Variants in SCRN3 observed in about 807,000 individuals in gnomAD.
SCRN3 encodes secernin-3.
SCRN3 carries 39 observed loss-of-function variants against 43.1 expected under a neutral mutation model. The ratio of observed to expected loss-of-function variants is 0.91; its 90% CI spans 0.70 to 1.18. The LOEUF (loss-of-function observed/expected upper bound fraction) is 1.18, where lower values mean the gene tolerates loss of function less well. Ranked by LOEUF, SCRN3 falls within the 50% of genes most tolerant of loss-of-function variation. The pLI is 0.00. For synonymous variants in SCRN3, 147 were observed against 163.1 expected (o/e 0.90, Z 0.75); for missense variants, 484 against 498.0 (o/e 0.97, Z 0.27).
chr2:174,401,016 C>T lies in SCRN3; in HGVS notation c.368C>T (p.Ala123Val). ...VRLGLERADT[A>V]EKALNVIVDL... is the part of the protein sequence containing the mutation. ...CTTGGCCTTGAAAGAGCTGATACAG[C>T]TGAAAAAGCCCTCAATGTCATTGTT... Residue 123 changes from alanine to valine, a missense_variant, in exon 4 of 8, where the codon GCT (alanine) becomes GTT (valine). Physicochemically the swap from Ala to Val is moderately conservative, Grantham distance 64 (BLOSUM62 0). Transcript: ENST00000272732. 1 of 1,613,082 alleles carries T rather than the reference C, an allele frequency of 6.2e-7. No individual in the cohort carries two copies.
chr2:174,414,599 A>G (rs1000536436), intron 5 of SCRN3, among the ~76,000 whole-genome samples: 1 of 152,012 alleles, frequency 6.6e-6, no homozygotes, highest in Non-Finnish European at 1.5e-5. Flanking sequence ...TTATTCCCTT[A>G]TGGTAGTATT....
intron 4 of SCRN3, among the ~76,000 whole-genome samples, chr2:174,401,962 A>G (rs1685522181): frequency 6.6e-6 from 1 of 152,348 alleles, no homozygotes; most frequent in East Asian, 1.9e-4. Flanking sequence ...TGATTTGAAC[A>G]TTTAGAGAAC....
At chr2:174,400,717 C>T (rs1314911976) in intron 3 of SCRN3, among the ~76,000 whole-genome samples, 2 of 152,148 alleles carry the variant, frequency 1.3e-5, no homozygotes, top group Admixed American at 6.5e-5. Flanking sequence ...CTATCGTGCT[C>T]ATTTTACAAA....
rs542517670 is a variant in SCRN3, at chr2:174,397,434, G to A, written c.-9-841G>A. 34 of 837,110 alleles carry A rather than the reference G, an allele frequency of 4.1e-5. No individual in the cohort carries two copies. In the East Asian group the frequency reaches 2.5e-3, roughly 61 times the overall value. The allele number at this position is 837,110 out of a possible 1,614,324, so 51.9% of individuals were successfully genotyped here. On this transcript the variant is annotated intron_variant, in intron 1 of 7. Coordinates refer to ENST00000272732, the MANE Select transcript of SCRN3 (RefSeq NM_024583.5). ...TCTAGATATTAAAGTATATAATTGC[G>A]ATTTATAAATTAAATATGTGAACTT...
intron 5 of SCRN3, among the ~76,000 whole-genome samples, chr2:174,420,215 G>A (rs1686251471): frequency 6.6e-6 from 1 of 152,046 alleles, no homozygotes; most frequent in African/African-American, 2.4e-5. Context: ...ACAAAAATTT[G>A]ACTGGAGGGC....
chr2:174,419,850 A>G (rs1686240222), intron 5 of SCRN3, among the ~76,000 whole-genome samples: 1 of 152,214 alleles, frequency 6.6e-6, no homozygotes, highest in Non-Finnish European at 1.5e-5. Flanking sequence ...TGGAGTGGTT[A>G]AAAAGCACAG....
At chr2:174,404,079 TCTC>T in intron 4 of SCRN3, 21 bp from the exon 5 acceptor site, 2 of 1,568,364 alleles carry the variant, frequency 1.3e-6, no homozygotes, top group Non-Finnish European at 1.8e-6. Context: ...TCTTCTCCTT[TCTC>T]CTCTTCTTCT....
rs117700049 is a variant in SCRN3 at position 174,417,682 on chromosome 2, C to T, written c.755-5203C>T. On this transcript the variant is annotated intron_variant, in intron 5 of 7. Transcript: ENST00000272732. Reference sequence around the variant, plus strand: ...TGCTGGAATTACAGGCGTCAGCCGCCGCACCTGGCCTAATTATATTATTCT... The same window carrying T: ...TGCTGGAATTACAGGCGTCAGCCGCTGCACCTGGCCTAATTATATTATTCT... Among the ~76,000 whole-genome samples the T allele has an allele frequency of 7.8e-3, 1,184 of 152,234 alleles. 38 individuals are homozygous for T. Among genetic ancestry groups the T allele is most frequent in the East Asian group, 0.061 (317 of 5,166 alleles).
At chr2:174,418,074 T>C (rs575849908) in intron 5 of SCRN3, among the ~76,000 whole-genome samples, 1 of 152,172 alleles carries the variant, frequency 6.6e-6, no homozygotes, top group African/African-American at 2.4e-5. Flanking sequence ...TTAGGGTAAT[T>C]GGACAAAAGA....
In SCRN3 at chr2:174,404,219, G is replaced by T; in HGVS notation, c.658G>T (p.Asp220Tyr). The T allele has an allele frequency of 1.2e-6, 2 of 1,613,868 alleles. No individual in the cohort carries two copies. Among genetic ancestry groups the T allele is most frequent in the African/African-American group, 1.3e-5 (1 of 75,034 alleles). Residue 220 changes from aspartate (D) to tyrosine (Y), a missense_variant, in exon 5 of 8, where the codon GAT becomes TAT. Physicochemically the swap from Asp to Tyr is radical, Grantham distance 160. Coordinates refer to ENST00000272732, the MANE Select transcript of SCRN3 (RefSeq NM_024583.5). The stretch of plus-strand genomic sequence containing the variant: ...TTGGTGGGATGGTAAAAAGGAGTTT[G>T]ATTTTGCTGCAGCATATTCCTATCT... Reference protein sequence around the residue: ...KGWWDGKKEFDFAAAYSYLDT... With the variant: ...KGWWDGKKEFYFAAAYSYLDT...
rs185305103 is a variant in SCRN3 at position 174,410,885 on chromosome 2, A to G, written c.754+6570A>G. Among the ~76,000 whole-genome samples the G allele has an allele frequency of 4.1e-4, 63 of 152,320 alleles. 1 individual carries two copies. The highest frequency in any genetic ancestry group is 3.9e-4 in the East Asian group (2 of 5,186). ...AGAAAATCACCAGGTACCAAAAATGAAGAGAGGGCCCACACAATCCTCCTC... is the reference window on the plus strand; with the variant it reads ...AGAAAATCACCAGGTACCAAAAATGGAGAGAGGGCCCACACAATCCTCCTC... On this transcript the variant is annotated intron_variant, in intron 5 of 7. Transcript: ENST00000272732.
intron 5 of SCRN3, among the ~76,000 whole-genome samples, chr2:174,408,588 G>A (rs9772506): frequency 0.15 from 20,681 of 136,152 alleles, 1,722 homozygotes; most frequent in Middle Eastern, 0.31. Context: ...ATTTTGCAGC[G>A]GCTGGTACCG....
chr2:174,403,981 G>A, intron 4 of SCRN3, 122 bp from the exon 5 acceptor site: 3 of 660,964 alleles, frequency 4.5e-6, no homozygotes, highest in Non-Finnish European at 7.6e-6. Context: ...GATGCCCATG[G>A]CACAAAATTT....
chr2:174,424,613 A>G lies in SCRN3; in HGVS notation c.1056A>G (p.Lys352=), dbSNP rs376593581. ...ACAGAAGACACCCACTCTACCAAAAACATCAACAGGCATTGGAAGTAGTAA... is the reference window on the plus strand; with the variant it reads ...ACAGAAGACACCCACTCTACCAAAAGCATCAACAGGCATTGGAAGTAGTAA... The part of the protein sequence containing the change: ...KPDRRHPLYQ[K]HQQALEVVNN... Residue 352 remains lysine, a synonymous_variant, in exon 7 of 8, where the codon AAA becomes AAG. Transcript: ENST00000272732. The G allele has an allele frequency of 1.2e-6, 2 of 1,612,812 alleles. No homozygotes were observed. The highest frequency in any genetic ancestry group is 2.7e-5 in the African/African-American group (2 of 74,886).
At chr2:174,408,759 T>C (rs1222777728) in intron 5 of SCRN3, among the ~76,000 whole-genome samples, 1 of 143,388 alleles carries the variant, frequency 7.0e-6, no homozygotes, top group Non-Finnish European at 1.5e-5. Flanking sequence ...TTGAAAATTC[T>C]TTTGTTTAAG....
Position 174,401,237 on chromosome 2 carries a change from T to C in SCRN3, c.541+48T>C, listed in dbSNP as rs1159717315. ...TAACTTGTTTTTGCAATTAATAAAATACACCCTTACCTATAGATATTGCAT... is the reference window on the plus strand; with the variant it reads ...TAACTTGTTTTTGCAATTAATAAAACACACCCTTACCTATAGATATTGCAT... On this transcript the variant is annotated intron_variant, in intron 4 of 7. Coordinates refer to ENST00000272732, the MANE Select transcript of SCRN3 (RefSeq NM_024583.5). The C allele has an allele frequency of 4.3e-6, 6 of 1,398,604 alleles. No individual in the cohort carries two copies. The East Asian group carries it at 1.4e-4, about 32-fold the overall frequency. 86.6% of individuals were successfully genotyped at this position (1,398,604 alleles called of 1,614,324 possible). A position where few individuals can be genotyped will look rare whatever the true frequency, so the allele number is the denominator to read the frequency against.
intron 1 of SCRN3, chr2:174,396,119 A>G: frequency 2.1e-6 from 2 of 972,880 alleles, no homozygotes; most frequent in Non-Finnish European, 2.6e-6. Flanking sequence ...GCTTGCGAGA[A>G]TCCAACAATA....
rs763142270 is a variant in SCRN3 at position 174,404,146 on chromosome 2, G to C, written c.585G>C (p.Lys195Asn). 29 of 1,613,652 alleles carry C rather than the reference G, an allele frequency of 1.8e-5. No homozygotes were observed. The highest frequency in any genetic ancestry group is 2.4e-5 in the Non-Finnish European group (28 of 1,179,810). The change falls in exon 5 of 8, where the codon AAG (lysine) becomes AAC (asparagine). Residue 195 changes from lysine to asparagine, a missense_variant. Transcript: ENST00000272732. ...NISNQLSITT[K>N]IAREHPDMRN... Reference sequence around the variant, plus strand: ...CTAATCAACTTTCCATAACAACCAAGATTGCCCGGGAACACCCAGACATGA... The same window carrying C: ...CTAATCAACTTTCCATAACAACCAACATTGCCCGGGAACACCCAGACATGA...
Position 174,421,387 on chromosome 2 carries a change from G to A in SCRN3, c.755-1498G>A, listed in dbSNP as rs1574669627. Among the ~76,000 whole-genome samples, 3 of 152,300 alleles carry A rather than the reference G, an allele frequency of 2.0e-5. No individual in the cohort carries two copies. In the South Asian group the frequency reaches 6.2e-4, roughly 32 times the overall value. On this transcript the variant is annotated intron_variant, in intron 5 of 7. Coordinates refer to ENST00000272732, the MANE Select transcript of SCRN3 (RefSeq NM_024583.5). ...ACATAGGTAAAACTAGACAAACATT[G>A]TTGAAAATAATAATAACTTTCTAAC...
Sources: gnomAD v4.1 joint callset for allele counts (sites outside exome capture counted in the v4.1 genomes callset) on GRCh38, gnomAD v4.1.1 for gene constraint, MANE v1.5 for transcripts, NCBI Gene and HGNC (gene_info 2026-07-23, HGNC 2026-07-21) for gene names.